Variants in PCDH9 observed in about 807,000 individuals in gnomAD.
PCDH9 encodes protocadherin-9.
A neutral mutation model predicts 70.6 loss-of-function variants in PCDH9; 24 were observed. That is an observed-to-expected ratio of 0.34 (90% confidence interval 0.25 to 0.48). The LOEUF (loss-of-function observed/expected upper bound fraction) is 0.48. Ranked by LOEUF, PCDH9 falls within the 20% of genes least tolerant of loss-of-function variation. The pLI is 0.99. For missense variants in PCDH9, 1,281 were observed against 1,503.6 expected, an observed-to-expected ratio of 0.85 and a Z score of 2.45; for synonymous variants, 562 against 558.5, an observed-to-expected ratio of 1.01 and a Z score of -0.09.
At chr13:67,141,934 C>A (rs190900251) in intron 2 of PCDH9, among the ~76,000 whole-genome samples, 1 of 151,794 alleles carries the variant, frequency 6.6e-6, no homozygotes, top group Admixed American at 6.6e-5. Flanking sequence ...TTTTCATCGT[C>A]GGTAAGAGTC....
intron 4 of PCDH9, among the ~76,000 whole-genome samples, chr13:66,414,882 T>G (rs889449100): frequency 6.6e-6 from 1 of 152,212 alleles, no homozygotes; most frequent in Non-Finnish European, 1.5e-5. Context: ...GCCAAATGGA[T>G]ATCTGTTTTC....
At chr13:66,451,193 T>C (rs1415165781) in intron 4 of PCDH9, among the ~76,000 whole-genome samples, 1 of 152,184 alleles carries the variant, frequency 6.6e-6, no homozygotes, top group Non-Finnish European at 1.5e-5. Context: ...CTCAAAAAAC[T>C]ATATTTCCAA....
intron 4 of PCDH9, among the ~76,000 whole-genome samples, chr13:66,362,774 T>C (rs936628641): frequency 2.0e-5 from 3 of 152,160 alleles, no homozygotes; most frequent in African/African-American, 4.8e-5. Context: ...TGTGGCACAA[T>C]GTGCAATAAA....
At chr13:66,367,659 C>T (rs1339154854) in intron 4 of PCDH9, among the ~76,000 whole-genome samples, 1 of 152,078 alleles carries the variant, frequency 6.6e-6, no homozygotes, top group African/African-American at 2.4e-5. Context: ...TAGGGAGCTG[C>T]ATGGTGTGAT....
intron 4 of PCDH9, among the ~76,000 whole-genome samples, chr13:66,397,999 C>T (rs1024539401): frequency 1.3e-5 from 2 of 151,680 alleles, no homozygotes; most frequent in Non-Finnish European, 2.9e-5. Flanking sequence ...TTATGTAATC[C>T]TAGTTAATTC....
intron 3 of PCDH9, among the ~76,000 whole-genome samples, chr13:66,700,923 AATATATATATATATAT>A (rs58852431): frequency 0.011 from 652 of 58,456 alleles, 18 homozygotes; most frequent in East Asian, 0.064. Flanking sequence ...TGTACATATA[AATATATATATATATAT>A]ATATATATAT....
chr13:66,588,389 G>A (rs905122452), intron 4 of PCDH9, among the ~76,000 whole-genome samples: 2 of 151,774 alleles, frequency 1.3e-5, no homozygotes, highest in East Asian at 1.9e-4. Context: ...CAATAAGAGC[G>A]TTGAGATGAA....
intron 3 of PCDH9, among the ~76,000 whole-genome samples, chr13:66,898,942 G>A (rs2082230442): frequency 6.6e-6 from 1 of 151,942 alleles, no homozygotes. Context: ...TTATCTTAAT[G>A]TGGAGGGAAA....
chr13:66,820,261 A>T (rs759859150), intron 3 of PCDH9, among the ~76,000 whole-genome samples: 6 of 152,192 alleles, frequency 3.9e-5, no homozygotes, highest in Non-Finnish European at 7.3e-5. Flanking sequence ...TACTACTGCA[A>T]GATAAAAGCA....
intron 3 of PCDH9, among the ~76,000 whole-genome samples, chr13:66,796,789 GTGT>G (rs1351282172): frequency 1.3e-5 from 2 of 152,134 alleles, no homozygotes; most frequent in Non-Finnish European, 2.9e-5. Context: ...TATTAGATGT[GTGT>G]TATTAATATA....
chr13:66,708,056 T>TTTA (rs1566518913), intron 3 of PCDH9, among the ~76,000 whole-genome samples: 8 of 151,738 alleles, frequency 5.3e-5, no homozygotes, highest in African/African-American at 1.9e-4. Flanking sequence ...TTTTATTTTT[T>TTTA]TTTTATTTTT....
chr13:66,825,189 A>G (rs2080796934), intron 3 of PCDH9: 1 of 151,382 alleles, frequency 6.6e-6, no homozygotes, highest in African/African-American at 2.4e-5. Context: ...CAGGAAAAAA[A>G]TATATATATG....
intron 4 of PCDH9, among the ~76,000 whole-genome samples, chr13:66,508,662 A>G (rs1243249430): frequency 6.6e-6 from 1 of 151,592 alleles, no homozygotes; most frequent in Non-Finnish European, 1.5e-5. Flanking sequence ...AGGGATATTC[A>G]TAAAAAAAAA....
intron 2 of PCDH9, among the ~76,000 whole-genome samples, chr13:66,971,820 A>C (rs189990838): frequency 6.6e-6 from 1 of 152,138 alleles, no homozygotes; most frequent in Admixed American, 6.6e-5. Context: ...TTTTAGTTAA[A>C]GAAATAAAAA....
At chr13:66,436,256 T>C (rs1957866836) in intron 4 of PCDH9, among the ~76,000 whole-genome samples, 1 of 152,146 alleles carries the variant, frequency 6.6e-6, no homozygotes, top group South Asian at 2.1e-4. Context: ...TAATGTGTTT[T>C]AAAAGTGAGT....
chr13:66,503,123 G>T (rs558905296), intron 4 of PCDH9, among the ~76,000 whole-genome samples: 1 of 152,110 alleles, frequency 6.6e-6, no homozygotes, highest in Non-Finnish European at 1.5e-5. Context: ...CCCCAAACAT[G>T]CTTATTATCT....
intron 4 of PCDH9, among the ~76,000 whole-genome samples, chr13:66,502,087 T>C (rs1454231337): frequency 4.6e-5 from 7 of 152,154 alleles, no homozygotes; most frequent in Admixed American, 4.6e-4. Context: ...AGCTACCTGT[T>C]ATGGTAGCTG....
intron 3 of PCDH9, among the ~76,000 whole-genome samples, chr13:66,708,698 GT>G (rs1465049296): frequency 1.3e-5 from 2 of 152,174 alleles, no homozygotes; most frequent in Non-Finnish European, 2.9e-5. Flanking sequence ...GTCTAAGTAT[GT>G]GACTCAAATA....
rs141936043 is a variant in PCDH9 at position 66,910,777 on chromosome 13, A to C, written c.3037-7172T>G. Among the ~76,000 whole-genome samples the C allele has an allele frequency of 8.3e-3, 1,265 of 152,328 alleles. 1 individual carries two copies. The highest frequency in any genetic ancestry group is 0.014 in the Non-Finnish European group (966 of 68,022). On this transcript the variant is annotated intron_variant, in intron 2 of 4. Coordinates refer to ENST00000377865, the MANE Select transcript of PCDH9 (RefSeq NM_203487.3). ...AGGTGCCACGTACCGTAACCAAAAA[A>C]TAGCTTTATCCTAGCCTTTTATTGC...
Sources: allele counts gnomAD v4.1 joint callset (sites outside exome capture counted in the v4.1 genomes callset), GRCh38; gene constraint gnomAD v4.1.1; transcripts MANE v1.5; gene names NCBI Gene and HGNC (gene_info 2026-07-23, HGNC 2026-07-21).